The following ANKRD30B variants were observed in gnomAD, a reference collection of about 807,000 sequenced individuals.
ANKRD30B encodes ankyrin repeat domain 30B.
ANKRD30B carries 144 observed loss-of-function variants against 202.2 expected under a neutral mutation model. That is an observed-to-expected ratio of 0.71 (90% confidence interval 0.62 to 0.82). The LOEUF (loss-of-function observed/expected upper bound fraction) is 0.82. Ranked by LOEUF, ANKRD30B falls within the 40% of genes least tolerant of loss-of-function variation. The pLI is 0.00. For missense variants in ANKRD30B, 1,487 were observed against 1,669.1 expected, an observed-to-expected ratio of 0.89 and a Z score of 1.90; for synonymous variants, 508 against 561.3, an observed-to-expected ratio of 0.91 and a Z score of 1.34.
At chr18:14,782,712 AAATACAT>A (rs1395270215) in intron 12 of ANKRD30B, 98 bp downstream of exon 12, 6 of 670,530 alleles carry the variant, frequency 8.9e-6, no homozygotes, top group African/African-American at 1.9e-5. Flanking sequence ...ATTACCCACT[AAATACAT>A]AACATCGAAA....
chr18:14,810,300 A>C, intron 28 of ANKRD30B, 120 bp downstream of exon 28: 1 of 621,808 alleles, frequency 1.6e-6, no homozygotes, highest in Non-Finnish European at 2.6e-6. Context: ...AATTTGATAC[A>C]AATAATGCAA....
At chr18:14,787,801 C>G (rs143389230) in intron 15 of ANKRD30B, among the ~76,000 whole-genome samples, 1 of 152,138 alleles carries the variant, frequency 6.6e-6, no homozygotes, top group African/African-American at 2.4e-5. Context: ...TAGAAAGTAT[C>G]TGACCTCTTA....
chr18:14,791,780 G>T (rs1336159246), intron 16 of ANKRD30B, among the ~76,000 whole-genome samples: 1 of 152,116 alleles, frequency 6.6e-6, no homozygotes, highest in East Asian at 1.9e-4. Flanking sequence ...TGAAGATCGA[G>T]AAAGACAGAG....
At chr18:14,932,587 T>A in the ANKRD30B span, among the ~76,000 whole-genome samples, 1 of 151,920 alleles carries the variant, frequency 6.6e-6, no homozygotes, top group Non-Finnish European at 1.5e-5. Flanking sequence ...ATCCGCCCGC[T>A]TCCCCCTCCC....
chr18:14,899,968 T>A, the ANKRD30B span, among the ~76,000 whole-genome samples: 1 of 152,172 alleles, frequency 6.6e-6, no homozygotes, highest in African/African-American at 2.4e-5. Flanking sequence ...TGTGAGTAAA[T>A]CTATCTCATC....
downstream of ANKRD30B, among the ~76,000 whole-genome samples, chr18:14,856,201 C>T (rs1243170417): frequency 4.3e-5 from 6 of 138,414 alleles, no homozygotes; most frequent in East Asian, 2.2e-4. Context: ...GTGTGTCATC[C>T]GTGAAGAGGC....
intron 36 of ANKRD30B, among the ~76,000 whole-genome samples, chr18:14,838,003 G>A (rs1471222873): frequency 6.6e-6 from 1 of 152,044 alleles, no homozygotes; most frequent in East Asian, 1.9e-4. Context: ...GCAACAGAGC[G>A]AGACTCCATC....
Position 14,754,962 on chromosome 18 carries a change from C to T in ANKRD30B, c.574C>T (p.Leu192=). ...AAGCAAGCAAACTGTGGAATTTTTA[C>T]TAACAAAAAATGCAAATGCAAACGC... ...KRSKQTVEFL[L]TKNANANAFN... is the part of the protein sequence containing the mutation. The change falls in exon 4 of 44, where the codon CTA becomes TTA. Residue 192 remains leucine (L), a synonymous_variant. Transcript: ENST00000690538. 1 of 1,550,418 alleles carries T rather than the reference C, an allele frequency of 6.4e-7. No individual in the cohort carries two copies. Among genetic ancestry groups the T allele is most frequent in the Non-Finnish European group, 8.7e-7 (1 of 1,147,024 alleles).
chr18:14,873,411 G>T, the ANKRD30B span, among the ~76,000 whole-genome samples: 1 of 151,394 alleles, frequency 6.6e-6, no homozygotes, highest in Non-Finnish European at 1.5e-5. Flanking sequence ...TGTAATCCCA[G>T]CTACTCAGGA....
At chr18:14,819,440 G>A (rs1459420780) in intron 30 of ANKRD30B, among the ~76,000 whole-genome samples, 1 of 149,726 alleles carries the variant, frequency 6.7e-6, no homozygotes, top group East Asian at 2.0e-4. Context: ...CCTTGCCCAT[G>A]CCTATGTCCT....
intron 15 of ANKRD30B, among the ~76,000 whole-genome samples, chr18:14,790,355 T>C (rs1246321503): frequency 1.3e-5 from 2 of 152,200 alleles, no homozygotes; most frequent in East Asian, 3.8e-4. Context: ...TTTGACTTCC[T>C]CTTTTCCTAA....
rs1206256405 is a variant in ANKRD30B at position 14,753,029 on chromosome 18, G to A, written c.510+17G>A. 1.3e-6 allele frequency: 2 copies of A among 1,534,718 alleles called. No individual in the cohort carries two copies. The highest frequency in any genetic ancestry group is 1.8e-6 in the Non-Finnish European group (2 of 1,138,546). The stretch of plus-strand genomic sequence containing the variant: ...CAAAACAAGGTAGACATTAACCAAT[G>A]TTATTTTCAAAATATTTGAAATCCA... On this transcript the variant is annotated intron_variant, in intron 3 of 43. Coordinates refer to ENST00000690538, the MANE Select transcript of ANKRD30B (RefSeq NM_001367607.2).
the ANKRD30B span, among the ~76,000 whole-genome samples, chr18:14,890,770 G>A: frequency 6.8e-6 from 1 of 146,966 alleles, no homozygotes; most frequent in Admixed American, 6.9e-5. Flanking sequence ...TAAAAAAAGA[G>A]ATTGTTTTAA....
At chr18:14,808,396 T>C (rs988849355) in intron 24 of ANKRD30B, 155 bp from the exon 25 acceptor site, 5 of 787,312 alleles carry the variant, frequency 6.4e-6, no homozygotes, top group African/African-American at 5.2e-5. Flanking sequence ...CATTGGCATG[T>C]TAACAAATAC....
At chr18:14,858,817 G>T (rs1383518402), downstream of ANKRD30B, among the ~76,000 whole-genome samples, 1 of 119,170 alleles carries the variant, frequency 8.4e-6, no homozygotes, top group Non-Finnish European at 1.8e-5. Context: ...CCAGGCAGAG[G>T]TGCTCCTCAT....
At chr18:14,872,835 G>A in the ANKRD30B span, among the ~76,000 whole-genome samples, 13 of 152,224 alleles carry the variant, frequency 8.5e-5, no homozygotes, top group South Asian at 1.0e-3. Flanking sequence ...CCTGCCAAGC[G>A]TTCGGGAATA....
intron 42 of ANKRD30B, chr18:14,852,633 TA>T (rs1971940464): frequency 2.0e-6 from 1 of 488,040 alleles, no homozygotes; most frequent in Non-Finnish European, 3.1e-6. Flanking sequence ...GATGAAATTA[TA>T]AGAGTTTAAG....
chr18:14,877,227 A>G, the ANKRD30B span, among the ~76,000 whole-genome samples: 1 of 152,406 alleles, frequency 6.6e-6, no homozygotes, highest in East Asian at 1.9e-4. Flanking sequence ...CTTTGCAGTA[A>G]CAAGACTGTC....
chr18:14,866,058 G>A, the ANKRD30B span, among the ~76,000 whole-genome samples: 1 of 152,166 alleles, frequency 6.6e-6, no homozygotes, highest in Non-Finnish European at 1.5e-5. Context: ...CAACCAATCA[G>A]AGTATGAAAA....
Sources: gnomAD v4.1 joint callset for allele counts (sites outside exome capture counted in the v4.1 genomes callset) on GRCh38, gnomAD v4.1.1 for gene constraint, MANE v1.5 for transcripts, NCBI Gene and HGNC (gene_info 2026-07-23, HGNC 2026-07-21) for gene names.